Variants in FATE1 observed in about 807,000 individuals in gnomAD.
FATE1 encodes fetal and adult testis-expressed transcript protein.
In FATE1, 18 loss-of-function variants were observed where a neutral mutation model predicts 16.0. The ratio of observed to expected loss-of-function variants is 1.12; its 90% CI spans 0.78 to 1.66. The LOEUF is 1.66. FATE1 is among the 40% of genes most tolerant of loss of function. FATE1 has a pLI of 0.00. For synonymous variants in FATE1, 76 were observed against 56.9 expected, an observed-to-expected ratio of 1.34 and a Z score of -1.51; for missense variants, 169 against 152.7, an observed-to-expected ratio of 1.11 and a Z score of -0.56.
intron 2 of FATE1, among the ~76,000 whole-genome samples, chrX:151,717,911 C>A (rs908430669): frequency 1.4e-4 from 15 of 110,435 alleles, no homozygotes; most frequent in Admixed American, 8.7e-4. Context: ...CATGGTAAAA[C>A]CCCGTCTCTA....
chrX:151,721,822 C>G, intron 3 of FATE1, 81 bp from the exon 4 acceptor site: 7 of 877,458 alleles, frequency 8.0e-6, no homozygotes, highest in Non-Finnish European at 1.2e-5. Flanking sequence ...CACGACCTTA[C>G]CTGCTTGACC....
chrX:151,718,220 A>G (rs887177574), intron 2 of FATE1, among the ~76,000 whole-genome samples: 1 of 108,746 alleles, frequency 9.2e-6, no homozygotes, highest in Non-Finnish European at 1.9e-5. Context: ...AGAAAGGAAG[A>G]AAGAAAGAAA....
chrX:151,716,075 C>T lies in FATE1; in HGVS notation c.-45C>T. ...AGTGTGACTCCTCTGTTCCTGGCAC[C>T]CTGTGCATCCTTAGCCATAGCTTAC... On this transcript the variant is annotated 5_prime_UTR_variant, in exon 1 of 5. Transcript: ENST00000370350. 9.3e-7 allele frequency: 1 copy of T among 1,078,910 alleles called. No homozygotes were observed. Among genetic ancestry groups the T allele is most frequent in the Non-Finnish European group, 1.3e-6 (1 of 799,369 alleles). The allele number at this position is 1,078,910 out of a possible 1,213,427, so 88.9% of individuals were successfully genotyped here.
At chrX:151,720,467 C>T (rs1207974370) in intron 2 of FATE1, among the ~76,000 whole-genome samples, 2 of 112,028 alleles carry the variant, frequency 1.8e-5, no homozygotes, top group Non-Finnish European at 3.8e-5. Flanking sequence ...TGAGGGACAT[C>T]GTAGTGTAAT....
In FATE1 at chrX:151,719,349, T is replaced by C. The variant is rs754242367; in HGVS notation, c.234+1950T>C. ...AAAGCAGTGTGCCTTTAAAATTACA[T>C]GGAAATTAAAATAACATTTTTTGAA... On this transcript the variant is annotated intron_variant, in intron 2 of 4. Coordinates refer to ENST00000370350, the MANE Select transcript of FATE1 (RefSeq NM_033085.3). 8.9e-5 allele frequency among the ~76,000 whole-genome samples: 10 copies of C among 112,164 alleles called. No homozygotes were observed. In the South Asian group the frequency reaches 3.4e-3, roughly 38 times the overall value.
chrX:151,719,498 T>G (rs1372074634), intron 2 of FATE1, among the ~76,000 whole-genome samples: 2 of 112,319 alleles, frequency 1.8e-5, no homozygotes, highest in Non-Finnish European at 3.8e-5. Context: ...CTCTCAAAAT[T>G]TTTTTTGTCC....
intron 3 of FATE1, among the ~76,000 whole-genome samples, 199 bp from the exon 4 acceptor site, chrX:151,721,704 G>T (rs923086188): frequency 8.9e-6 from 1 of 112,090 alleles, no homozygotes; most frequent in African/African-American, 3.2e-5. Flanking sequence ...ACTGGGCTGG[G>T]CCAGGCTGGC....
chrX:151,716,478 C>T (rs974469494), intron 1 of FATE1, among the ~76,000 whole-genome samples: 3 of 111,169 alleles, frequency 2.7e-5, no homozygotes, highest in Admixed American at 9.5e-5. Flanking sequence ...CCCCCTTATC[C>T]AAGCCACCAC....
In FATE1 at chrX:151,721,439, T is replaced by C. The variant is rs143905766; in HGVS notation, c.279T>C (p.His93=). ...CCAGAATGCTGAGAGAATCAGGCCATGGGGATGCCCATCTCCAGGAGTACG... is the reference window on the plus strand; with the variant it reads ...CCAGAATGCTGAGAGAATCAGGCCACGGGGATGCCCATCTCCAGGAGTACG... The part of the protein sequence containing the change: ...PKPRMLRESG[H]GDAHLQEYAG... The change falls in exon 3 of 5, where the codon CAT becomes CAC. Residue 93 remains histidine (H), a synonymous_variant. Transcript: ENST00000370350. 14 of 1,211,140 alleles carry C rather than the reference T, an allele frequency of 1.2e-5. No individual in the cohort carries two copies. Among genetic ancestry groups the C allele is most frequent in the Admixed American group, 6.5e-5 (3 of 46,014 alleles).
chrX:151,718,216 G>GAAGAAAGAAAGAAAGA (rs368403459), intron 2 of FATE1, among the ~76,000 whole-genome samples: 5 of 102,117 alleles, frequency 4.9e-5, no homozygotes, highest in East Asian at 3.1e-4. Context: ...AGGAAGAAAG[G>GAAGAAAGAAAGAAAGA]AAGAAAGAAA....
chrX:151,721,547 G>A (rs377408432), intron 3 of FATE1, 46 bp downstream of exon 3: 429 of 1,103,403 alleles, frequency 3.9e-4, no homozygotes, highest in Non-Finnish European at 5.1e-4. Flanking sequence ...GACAGGGCCC[G>A]GAGTGGGGCA....
chrX:151,718,929 A>T (rs1323017278), intron 2 of FATE1, among the ~76,000 whole-genome samples: 3 of 112,225 alleles, frequency 2.7e-5, no homozygotes, highest in Admixed American at 1.9e-4. Context: ...TGAGAAAAAA[A>T]GCTTCCAGGT....
At chrX:151,718,736 A>G (rs1393202423) in intron 2 of FATE1, among the ~76,000 whole-genome samples, 1 of 112,334 alleles carries the variant, frequency 8.9e-6, no homozygotes, top group Non-Finnish European at 1.9e-5. Context: ...TTAGGGAATC[A>G]CGAATCCCAT....
At chrX:151,717,647 T>C (rs908502706) in intron 2 of FATE1, among the ~76,000 whole-genome samples, 8 of 112,472 alleles carry the variant, frequency 7.1e-5, no homozygotes, top group Admixed American at 3.7e-4. Context: ...GGGGAGTACA[T>C]AAATACTTTA....
At chrX:151,722,125 C>A in intron 4 of FATE1, 144 bp downstream of exon 4, 1 of 509,475 alleles carries the variant, frequency 2.0e-6, no homozygotes, top group Non-Finnish European at 3.3e-6. Context: ...CCTCTTCCTC[C>A]TCATCCCCAT....
chrX:151,723,001 G>T lies in FATE1; in HGVS notation c.*242G>T. On this transcript the variant is annotated 3_prime_UTR_variant, in exon 5 of 5. Coordinates refer to ENST00000370350, the MANE Select transcript of FATE1 (RefSeq NM_033085.3). ...GCTGAGATGCCACCCTTTGAAGGGT[G>T]AACAGCATGGCGGCATCTGGGCCCC... 1 of 366,564 alleles carries T rather than the reference G, an allele frequency of 2.7e-6. No individual in the cohort carries two copies. Among genetic ancestry groups the T allele is most frequent in the South Asian group, 5.0e-5 (1 of 19,814 alleles). 30.2% of individuals were successfully genotyped at this position (366,564 alleles called of 1,213,427 possible). A position where few individuals can be genotyped will look rare whatever the true frequency, so the allele number is the denominator to read the frequency against.
chrX:151,721,280 C>A, intron 2 of FATE1, 115 bp from the exon 3 acceptor site: 1 of 637,877 alleles, frequency 1.6e-6, no homozygotes, highest in South Asian at 2.8e-5. Flanking sequence ...CCCTTGATTC[C>A]AGAGACCAGG....
intron 4 of FATE1, 65 bp from the exon 5 acceptor site, chrX:151,722,563 T>A (rs2015126913): frequency 4.2e-6 from 5 of 1,202,599 alleles, no homozygotes; most frequent in Non-Finnish European, 5.6e-6. Context: ...GCTTTTCCCA[T>A]GGCTGTGCTG....
chrX:151,722,610 CCTT>C lies in FATE1; in HGVS notation c.421-17_421-15del, dbSNP rs1305481291. On this transcript the variant is annotated splice_polypyrimidine_tract_variant and intron_variant, in intron 4 of 4. Transcript: ENST00000370350. ...AGAAGAGCCTCGCTCAGCAGCCCTG[CCTT>C]TGACTCCTCTGCAGCTGTATGCAGT... The C allele has an allele frequency of 1.7e-6, 2 of 1,211,064 alleles. No homozygotes were observed. Among genetic ancestry groups the C allele is most frequent in the Admixed American group, 2.2e-5 (1 of 46,076 alleles).
Sources: gnomAD v4.1 joint callset for allele counts (sites outside exome capture counted in the v4.1 genomes callset) on GRCh38, gnomAD v4.1.1 for gene constraint, MANE v1.5 for transcripts, NCBI Gene and HGNC (gene_info 2026-07-23, HGNC 2026-07-21) for gene names.